The following ANO6 variants were observed in gnomAD, a reference collection of about 807,000 sequenced individuals.
The protein encoded by ANO6 is anoctamin-6.
Under a neutral mutation model 117.5 loss-of-function variants are expected in ANO6, and 106 were observed. The observed-to-expected ratio is 0.90, with a 90% confidence interval of 0.77 to 1.06. ANO6 has a LOEUF of 1.06. Ranked by LOEUF, ANO6 falls within the 50% of genes least tolerant of loss-of-function variation. The pLI, the probability that ANO6 is intolerant of heterozygous loss-of-function variation, is 0.00. For missense variants in ANO6, 955 were observed against 1,121.1 expected (o/e 0.85, Z 2.12); for synonymous variants, 367 against 385.1 (o/e 0.95, Z 0.55).
chr12:45,387,501 T>C (rs1321482361), intron 10 of ANO6, among the ~76,000 whole-genome samples: 1 of 152,192 alleles, frequency 6.6e-6, no homozygotes, highest in Non-Finnish European at 1.5e-5. Flanking sequence ...ATTTGTGTTT[T>C]AGTTGGCAAT....
At chr12:45,409,105 T>G (rs1943019544) in intron 15 of ANO6, among the ~76,000 whole-genome samples, 1 of 152,098 alleles carries the variant, frequency 6.6e-6, no homozygotes, top group Non-Finnish European at 1.5e-5. Flanking sequence ...CTTTTAAAAA[T>G]TAAGCTGCCC....
chr12:45,301,252 A>C (rs1279101735), intron 1 of ANO6, among the ~76,000 whole-genome samples: 1 of 151,790 alleles, frequency 6.6e-6, no homozygotes, highest in African/African-American at 2.4e-5. Context: ...TTTTTTTAAA[A>C]ACGTCTCTAC....
chr12:45,256,819 T>C (rs1937851200), intron 1 of ANO6: 1 of 152,210 alleles, frequency 6.6e-6, no homozygotes, highest in African/African-American at 2.4e-5. Context: ...AAACTGAAGA[T>C]ATATTAATGT....
At chr12:45,307,876 G>A (rs951283091) in intron 2 of ANO6, among the ~76,000 whole-genome samples, 3 of 151,970 alleles carry the variant, frequency 2.0e-5, no homozygotes, top group African/African-American at 7.2e-5. Context: ...TGATGATGGA[G>A]AATTGACCAT....
intron 1 of ANO6, among the ~76,000 whole-genome samples, chr12:45,245,605 A>G (rs1947813422): frequency 6.6e-6 from 1 of 151,980 alleles, no homozygotes. Context: ...ATTTTCTGAT[A>G]TTAGAATGCC....
intron 19 of ANO6, among the ~76,000 whole-genome samples, chr12:45,438,141 G>A (rs534124962): frequency 6.6e-6 from 1 of 152,212 alleles, no homozygotes; most frequent in East Asian, 1.9e-4. Flanking sequence ...TGCCCACTGA[G>A]CTCTTGGTCT....
downstream of ANO6, among the ~76,000 whole-genome samples, chr12:45,434,987 C>G (rs1223334241): frequency 2.0e-5 from 3 of 152,306 alleles, no homozygotes. Flanking sequence ...TTGTTTTAAT[C>G]TAGGAAATTG....
intron 8 of ANO6, among the ~76,000 whole-genome samples, chr12:45,358,869 C>G (rs1397759936): frequency 1.3e-5 from 2 of 151,372 alleles, no homozygotes; most frequent in East Asian, 3.9e-4. Context: ...ACTGCAACTT[C>G]TGCTTCCCAG....
intron 1 of ANO6, among the ~76,000 whole-genome samples, chr12:45,219,512 T>TTC (rs1947365362): frequency 6.7e-6 from 1 of 150,024 alleles, no homozygotes; most frequent in African/African-American, 2.5e-5. Context: ...AATTTTTTTT[T>TTC]TTTTTTTTTT....
intron 1 of ANO6, among the ~76,000 whole-genome samples, chr12:45,289,553 G>A (rs1169400634): frequency 2.6e-5 from 4 of 152,116 alleles, no homozygotes; most frequent in Admixed American, 2.0e-4. Flanking sequence ...TTTATTCCCA[G>A]CATCTTTGCT....
At chr12:45,416,639 G>A (rs1402711938) in intron 16 of ANO6, 60 bp from the exon 17 acceptor site, 1 of 1,546,350 alleles carries the variant, frequency 6.5e-7, no homozygotes, top group Non-Finnish European at 8.9e-7. Context: ...AAGAGTAAAG[G>A]AAAATATGTT....
chr12:45,220,440 T>C (rs557044827), intron 1 of ANO6, among the ~76,000 whole-genome samples: 1 of 152,332 alleles, frequency 6.6e-6, no homozygotes, highest in African/African-American at 2.4e-5. Flanking sequence ...TCTCTTTCCT[T>C]ATTACCTACT....
intron 7 of ANO6, among the ~76,000 whole-genome samples, chr12:45,356,641 C>T (rs1249887844): frequency 6.6e-6 from 1 of 152,042 alleles, no homozygotes; most frequent in Non-Finnish European, 1.5e-5. Context: ...GGTCTTCATC[C>T]TTGTCTTCAC....
At chr12:45,438,101 C>T (rs575538273) in intron 19 of ANO6, among the ~76,000 whole-genome samples, 9 of 152,196 alleles carry the variant, frequency 5.9e-5, no homozygotes, top group South Asian at 2.1e-4. Flanking sequence ...CTGGTGCTTC[C>T]GCTCAGGCAA....
Position 45,430,558 on chromosome 12 carries a change from C to A in ANO6, c.*1247C>A. The A allele has an allele frequency of 1.0e-6, 1 of 985,350 alleles. No homozygotes were observed. The highest frequency in any genetic ancestry group is 1.2e-6 in the Non-Finnish European group (1 of 829,928). 61.0% of individuals were successfully genotyped at this position (985,350 alleles called of 1,614,324 possible). ...TGATTGTACTAGAGACAGGAGTATACCCAGCTTATTCATAATCAAGTAAAG... is the reference window on the plus strand; with the variant it reads ...TGATTGTACTAGAGACAGGAGTATAACCAGCTTATTCATAATCAAGTAAAG... On this transcript the variant is annotated 3_prime_UTR_variant, in exon 20 of 20. Transcript: ENST00000320560.
At chr12:45,327,768 T>A (rs149040611) in intron 2 of ANO6, among the ~76,000 whole-genome samples, 1 of 152,170 alleles carries the variant, frequency 6.6e-6, no homozygotes, top group Non-Finnish European at 1.5e-5. Context: ...GGATTACATA[T>A]GACTTTTATT....
Position 45,254,131 on chromosome 12 carries a change from C to T in ANO6, c.70+37740C>T, listed in dbSNP as rs368258023. On this transcript the variant is annotated intron_variant, in intron 1 of 19. Coordinates refer to ENST00000320560, the MANE Select transcript of ANO6 (RefSeq NM_001025356.3). ...GCAGTGAGCCGAGATTGTGCCACTG[C>T]ACTCCAACCTAGCAACAGAGCAAGA... 1.8e-4 allele frequency among the ~76,000 whole-genome samples: 28 copies of T among 152,304 alleles called. No individual in the cohort carries two copies. The East Asian group carries it at 4.8e-3, about 26-fold the overall frequency.
At chr12:45,256,803 T>A (rs919961198) in intron 1 of ANO6, 1 of 152,240 alleles carries the variant, frequency 6.6e-6, no homozygotes, top group African/African-American at 2.4e-5. Context: ...TTCATAAATG[T>A]ATTTTAAACT....
intron 1 of ANO6, among the ~76,000 whole-genome samples, chr12:45,295,755 T>G (rs898869777): frequency 1.3e-5 from 2 of 152,124 alleles, no homozygotes; most frequent in African/African-American, 4.8e-5. Context: ...GAGACGGGGT[T>G]TCACCACTTT....
Sources: allele counts gnomAD v4.1 joint callset (sites outside exome capture counted in the v4.1 genomes callset), GRCh38; gene constraint gnomAD v4.1.1; transcripts MANE v1.5; gene names NCBI Gene and HGNC (gene_info 2026-07-23, HGNC 2026-07-21).